Variants in MAP3K9 observed in about 807,000 individuals in gnomAD.
The protein encoded by MAP3K9 is mixed lineage kinase 1 (tyr and ser/thr specificity).
Under a neutral mutation model 95.8 loss-of-function variants are expected in MAP3K9, and 46 were observed. The observed-to-expected ratio is 0.48, with a 90% CI of 0.38 to 0.61. The LOEUF (loss-of-function observed/expected upper bound fraction) is 0.61. MAP3K9 is among the 20% of genes least tolerant of loss of function. The probability of loss-of-function intolerance (pLI) is 0.00; values close to 1 mark genes in which losing one functional copy is unlikely to be tolerated. For synonymous variants in MAP3K9, 533 were observed against 593.8 expected (o/e 0.90, Z 1.49); for missense variants, 1,296 against 1,474.3 (o/e 0.88, Z 1.98).
intron 3 of MAP3K9, among the ~76,000 whole-genome samples, chr14:70,760,369 C>T (rs1336328002): frequency 6.6e-6 from 1 of 152,190 alleles, no homozygotes; most frequent in Non-Finnish European, 1.5e-5. Flanking sequence ...TTTGGGCTCA[C>T]ATTTACTAGG....
Position 70,809,074 on chromosome 14 carries a change from T to C in MAP3K9, c.98A>G (p.Glu33Gly), listed in dbSNP as rs1201861960. 1 of 1,436,584 alleles carries C rather than the reference T, an allele frequency of 7.0e-7. No individual in the cohort carries two copies. The highest frequency in any genetic ancestry group is 1.5e-5 in the African/African-American group (1 of 66,356). 89.0% of individuals were successfully genotyped at this position (1,436,584 alleles called of 1,614,324 possible). A position where few individuals can be genotyped will look rare whatever the true frequency, so the allele number is the denominator to read the frequency against. ...CGCCGCCGCCTCCTCCTCCTCCTCC[T>C]CCTCCTCCTCGGCCCCGGCCCCTGC... The part of the protein sequence containing the change: ...DGAGAGAEEE[E>G]EEEEEAAAAV... Residue 33 changes from glutamate to glycine, a missense_variant, in exon 1 of 12, where the codon GAG becomes GGG. Transcript: ENST00000554752.
At position 70,729,652 on chromosome 14, in the gene MAP3K9, A is replaced by G. The variant is rs1239412800; in HGVS notation, c.*728T>C. The G allele has an allele frequency of 6.6e-6, 1 of 152,238 alleles. No individual in the cohort carries two copies. The highest frequency in any genetic ancestry group is 1.5e-5 in the Non-Finnish European group (1 of 68,060). 9.4% of individuals were successfully genotyped at this position (152,238 alleles called of 1,614,324 possible). On this transcript the variant is annotated 3_prime_UTR_variant, in exon 12 of 12. Coordinates refer to ENST00000554752, the MANE Select transcript of MAP3K9 (RefSeq NM_001284230.2). ...GAGTTTCCAAAAAGAACAAGGACATACTTCATGAACCTCTTCATTGCAACT... is the reference window on the plus strand; with the variant it reads ...GAGTTTCCAAAAAGAACAAGGACATGCTTCATGAACCTCTTCATTGCAACT...
At position 70,761,009 on chromosome 14, in the gene MAP3K9, C is replaced by T. The variant is rs1391933994; in HGVS notation, c.994G>A (p.Val332Met). The change falls in exon 3 of 12, where the codon GTG becomes ATG. Residue 332 changes from valine to methionine, a missense_variant. Val to Met is a conservative substitution (Grantham distance 21). Around this residue, in one of 5 missense-constraint regions of MAP3K9, gnomAD observed 136 missense variants for 221.5 expected, o/e 0.61. Transcript: ENST00000554752. ...TGCCCCCCTGGACCTTACCTCCACA[C>T]ATCACTGCCTTTGGAAAACATGGAG... ...RASMFSKGSD[V>M]WSYGVLLWEL... The T allele has an allele frequency of 3.7e-6, 6 of 1,613,688 alleles. No individual in the cohort carries two copies. Among genetic ancestry groups the T allele is most frequent in the Non-Finnish European group, 5.1e-6 (6 of 1,179,930 alleles).
chr14:70,779,649 A>G (rs1566758358), intron 2 of MAP3K9, among the ~76,000 whole-genome samples: 1 of 152,194 alleles, frequency 6.6e-6, no homozygotes, highest in African/African-American at 2.4e-5. Context: ...CCCTTCCAAC[A>G]GGAACTGAAG....
At position 70,727,670 on chromosome 14, in the gene MAP3K9, T is replaced by G. The variant is rs572093003; in HGVS notation, c.*2710A>C. 1 of 152,470 alleles carries G rather than the reference T, an allele frequency of 6.6e-6. No homozygotes were observed. The highest frequency in any genetic ancestry group is 1.9e-4 in the East Asian group (1 of 5,190). 9.4% of individuals were successfully genotyped at this position (152,470 alleles called of 1,614,324 possible). The stretch of plus-strand genomic sequence containing the variant: ...AGAGAGTGCAGCAGTCAGGGGCCCA[T>G]CAGAGACCAGGTGTGTAGGAGCTGA... On this transcript the variant is annotated 3_prime_UTR_variant, in exon 12 of 12. Transcript: ENST00000554752.
At position 70,732,887 on chromosome 14, in the gene MAP3K9, G is replaced by T; in HGVS notation, c.2482C>A (p.Pro828Thr). ...GAGAGCAGCGTCAGGGAGGCAGAGG[G>T]GTCTCCTAGCAACAGCATGGGCTCC... ...KEEPMLLLGD[P>T]SASLTLLSLS... is the part of the protein sequence containing the mutation. The change falls in exon 11 of 12, where the codon CCC (proline) becomes ACC (threonine). Residue 828 changes from proline (P) to threonine (T), a missense_variant. Physicochemically the swap from Pro to Thr is conservative, Grantham distance 38. Transcript: ENST00000554752. 1.2e-6 allele frequency: 2 copies of T among 1,613,852 alleles called. No homozygotes were observed. The highest frequency in any genetic ancestry group is 1.7e-6 in the Non-Finnish European group (2 of 1,179,814).
At chr14:70,802,366 A>G (rs534335633) in intron 1 of MAP3K9, among the ~76,000 whole-genome samples, 5 of 152,308 alleles carry the variant, frequency 3.3e-5, no homozygotes, top group African/African-American at 1.2e-4. Flanking sequence ...CAGTATCCCA[A>G]CCAATCATTC....
intron 5 of MAP3K9, among the ~76,000 whole-genome samples, chr14:70,747,926 GT>G (rs2054170429): frequency 6.6e-6 from 1 of 152,038 alleles, no homozygotes; most frequent in Non-Finnish European, 1.5e-5. Flanking sequence ...GGCTAACACG[GT>G]GAAACCCCAT....
intron 2 of MAP3K9, among the ~76,000 whole-genome samples, chr14:70,769,489 TA>T (rs1388760584): frequency 6.6e-6 from 1 of 152,202 alleles, no homozygotes; most frequent in East Asian, 1.9e-4. Flanking sequence ...TGTAGCCTCC[TA>T]GGGCTGCCAT....
Position 70,800,961 on chromosome 14 carries a change from C to T in MAP3K9, c.526G>A (p.Asp176Asn), listed in dbSNP as rs934732804. ...GTCTGGCTGATGTCCTCATCAGGGT[C>T]GTGGCGAGCTGCTTTCACAGCAACC... The part of the protein sequence containing the change: ...DEVAVKAARH[D>N]PDEDISQTIE... Residue 176 changes from aspartate (D) to asparagine (N), a missense_variant, in exon 2 of 12, where the codon GAC becomes AAC. Physicochemically the swap from Asp to Asn is conservative, Grantham distance 23 (BLOSUM62 1). This residue lies in a region of MAP3K9 where 338 missense variants were observed against 363.4 expected (regional missense o/e 0.93). Transcript: ENST00000554752. 10 of 1,614,148 alleles carry T rather than the reference C, an allele frequency of 6.2e-6. No individual in the cohort carries two copies. Among genetic ancestry groups the T allele is most frequent in the Admixed American group, 3.3e-5 (2 of 60,024 alleles).
intron 2 of MAP3K9, among the ~76,000 whole-genome samples, chr14:70,796,385 C>T (rs1256025062): frequency 6.6e-6 from 1 of 152,194 alleles, no homozygotes; most frequent in African/African-American, 2.4e-5. Context: ...GTCCCAGGGC[C>T]TGGCTAAACT....
chr14:70,753,624 C>T (rs1327373111), intron 3 of MAP3K9, among the ~76,000 whole-genome samples: 2 of 152,152 alleles, frequency 1.3e-5, no homozygotes, highest in Non-Finnish European at 2.9e-5. Context: ...TTGCAAGCAG[C>T]CTGGAAGAAC....
intron 2 of MAP3K9, among the ~76,000 whole-genome samples, chr14:70,767,083 C>T (rs1456171785): frequency 6.6e-6 from 1 of 152,076 alleles, no homozygotes; most frequent in Non-Finnish European, 1.5e-5. Context: ...GGACCAGGCT[C>T]TTTGAAAGAA....
At chr14:70,802,401 C>T (rs1043447961) in intron 1 of MAP3K9, among the ~76,000 whole-genome samples, 5 of 152,178 alleles carry the variant, frequency 3.3e-5, no homozygotes, top group African/African-American at 9.7e-5. Context: ...AGAATTTGAA[C>T]CTAAGGTACT....
rs566447363 is a variant in MAP3K9 at position 70,765,774 on chromosome 14, A to C, written c.821-4592T>G. On this transcript the variant is annotated intron_variant, in intron 2 of 11. Transcript: ENST00000554752. Reference sequence around the variant, plus strand: ...AACAAAAAAAAACAAAAAAAAAAAAACAAAGGAAAAAGTGTCCTGAGCCAT... The same window carrying C: ...AACAAAAAAAAACAAAAAAAAAAAACCAAAGGAAAAAGTGTCCTGAGCCAT... Among the ~76,000 whole-genome samples the C allele has an allele frequency of 4.6e-3, 582 of 127,036 alleles. 4 individuals are homozygous for C. Among genetic ancestry groups the C allele is most frequent in the African/African-American group, 0.017 (564 of 34,086 alleles). 83.3% of individuals were successfully genotyped at this position (127,036 alleles called of 152,430 possible).
intron 2 of MAP3K9, among the ~76,000 whole-genome samples, chr14:70,765,010 C>G (rs1460654946): frequency 6.6e-6 from 1 of 151,998 alleles, no homozygotes; most frequent in African/African-American, 2.4e-5. Context: ...TTACAGTAAG[C>G]TAAGATTAAT....
At chr14:70,746,255 A>G (rs1024244146) in intron 5 of MAP3K9, among the ~76,000 whole-genome samples, 1 of 152,226 alleles carries the variant, frequency 6.6e-6, no homozygotes, top group African/African-American at 2.4e-5. Context: ...CATTCTCACA[A>G]TAATACTTAG....
chr14:70,746,290 G>A (rs774927756), intron 5 of MAP3K9, among the ~76,000 whole-genome samples: 4 of 152,158 alleles, frequency 2.6e-5, no homozygotes, highest in African/African-American at 4.8e-5. Context: ...TCCAACCTGA[G>A]GAATTAGCTG....
intron 11 of MAP3K9, 24 bp downstream of exon 11, chr14:70,732,515 A>G (rs751205609): frequency 1.3e-6 from 2 of 1,517,600 alleles, no homozygotes; most frequent in South Asian, 1.3e-5. Flanking sequence ...AAGAAAGGAA[A>G]GAGAAAAGAG....
Sources: allele counts gnomAD v4.1 joint callset (sites outside exome capture counted in the v4.1 genomes callset), GRCh38; gene constraint gnomAD v4.1.1; regional missense constraint gnomAD v4.1.1; transcripts MANE v1.5; gene names NCBI Gene and HGNC (gene_info 2026-07-23, HGNC 2026-07-21).